The following TTN variants were observed in gnomAD, a reference collection of about 807,000 sequenced individuals.
TTN encodes the protein connectin.
TTN carries 1,525 observed loss-of-function variants against 3,223.0 expected under a neutral mutation model. The observed-to-expected ratio is 0.47, with a 90% CI of 0.45 to 0.49. The LOEUF (loss-of-function observed/expected upper bound fraction) is 0.49. TTN is among the 20% of genes least tolerant of loss of function. TTN has a pLI of 0.00. For synonymous variants in TTN, 14,094 were observed against 15,161.0 expected (o/e 0.93, Z 5.17); for missense variants, 40,786 against 43,424.0 (o/e 0.94, Z 5.40).
Position 178,713,124 on chromosome 2 carries a change from C to T in TTN, c.27010G>A (p.Ala9004Thr). ...GDYTCIATNM[A>T]GSDECSAPLT... The stretch of plus-strand genomic sequence containing the variant: ...GGAGCACTACATTCATCAGAACCAG[C>T]CATATTAGTAGCTATACATGTGTAG... Residue 9004 changes from alanine (A) to threonine (T), a missense_variant, in exon 93 of 363, where the codon GCT becomes ACT. Physicochemically the swap from Ala to Thr is moderately conservative, Grantham distance 58 (BLOSUM62 0). Transcript: ENST00000589042. The T allele has an allele frequency of 1.9e-6, 3 of 1,613,734 alleles. No homozygotes were observed. The highest frequency in any genetic ancestry group is 2.5e-6 in the Non-Finnish European group (3 of 1,179,748).
chr2:178,539,197 G>A lies in TTN; in HGVS notation c.98738C>T (p.Ser32913Phe). 2 of 1,613,792 alleles carry A rather than the reference G, an allele frequency of 1.2e-6. No homozygotes were observed. Among genetic ancestry groups the A allele is most frequent in the Non-Finnish European group, 1.7e-6 (2 of 1,179,758 alleles). Reference sequence around the variant, plus strand: ...GGGCCGGGACCAGGACAAGCTAACAGAACTCTTGGTTACATCGAGTACTTC... The same window carrying A: ...GGGCCGGGACCAGGACAAGCTAACAAAACTCTTGGTTACATCGAGTACTTC... The part of the protein sequence containing the change: ...PPEVLDVTKS[S>F]VSLSWSRPKD... The change falls in exon 353 of 363, where the codon TCT becomes TTT. Residue 32913 changes from serine (S) to phenylalanine (F), a missense_variant. Coordinates refer to ENST00000589042, the MANE Select transcript of TTN (RefSeq NM_001267550.2).
chr2:178,797,512 G>A (rs1263533302), intron 6 of TTN, among the ~76,000 whole-genome samples: 1 of 151,396 alleles, frequency 6.6e-6, no homozygotes, highest in Non-Finnish European at 1.5e-5. Context: ...TGCATTTATT[G>A]GTTATTTGTC....
rs776940545 is a variant in TTN, at chr2:178,779,272, C to T, written c.3920G>A (p.Gly1307Asp). Residue 1307 changes from glycine to aspartate, a missense_variant, in exon 23 of 363, where the codon GGT (glycine) becomes GAT (aspartate). Physicochemically the swap from Gly to Asp is moderately conservative, Grantham distance 94. Coordinates refer to ENST00000589042, the MANE Select transcript of TTN (RefSeq NM_001267550.2). Reference sequence around the variant, plus strand: ...AGACATCTTGCAATGAAAAGTGACACCCATCCCCTCAAGAATTCTATAATT... The same window carrying T: ...AGACATCTTGCAATGAAAAGTGACATCCATCCCCTCAAGAATTCTATAATT... ...IKNYRILEGM[G>D]VTFHCKMSGY... 3.7e-6 allele frequency: 6 copies of T among 1,613,796 alleles called. No individual in the cohort carries two copies. Among genetic ancestry groups the T allele is most frequent in the Non-Finnish European group, 3.4e-6 (4 of 1,179,808 alleles).
At position 178,663,870 on chromosome 2, in the gene TTN, C is replaced by G; in HGVS notation, c.36397G>C (p.Glu12133Gln). The change falls in exon 170 of 363, where the codon GAG becomes CAG. Residue 12133 changes from glutamate to glutamine, a missense_variant. Glu to Gln is a conservative substitution (Grantham distance 29). Coordinates refer to ENST00000589042, the MANE Select transcript of TTN (RefSeq NM_001267550.2). Reference sequence around the variant, plus strand: ...TTAGGAGGAGCCAAGGGCACTTTCTCTTCGCGGATAACCTCTTTGGAAGCT... The same window carrying G: ...TTAGGAGGAGCCAAGGGCACTTTCTGTTCGCGGATAACCTCTTTGGAAGCT... ...PEASKEVIRE[E>Q]KVPLAPPKEP... 2 of 1,612,862 alleles carry G rather than the reference C, an allele frequency of 1.2e-6. No individual in the cohort carries two copies. The highest frequency in any genetic ancestry group is 3.3e-5 in the Admixed American group (2 of 59,944).
rs1388810257 is a variant in TTN, at chr2:178,551,364, A to C, written c.91271-104T>G. 2.0e-5 allele frequency: 18 copies of C among 905,376 alleles called. 1 individual carries two copies. The highest frequency in any genetic ancestry group is 1.9e-5 in the Non-Finnish European group (13 of 676,716). 56.1% of individuals were successfully genotyped at this position (905,376 alleles called of 1,614,324 possible). ...TATTCTATAATTTTAATAAATAAGT[A>C]AAATTTTTATAATAAGTAATTTATT... On this transcript the variant is annotated intron_variant, in intron 335 of 362. Coordinates refer to ENST00000589042, the MANE Select transcript of TTN (RefSeq NM_001267550.2).
At position 178,776,836 on chromosome 2, in the gene TTN, T is replaced by G. The variant is rs763478344; in HGVS notation, c.5028A>C (p.Glu1676Asp). The G allele has an allele frequency of 1.9e-6, 3 of 1,614,114 alleles. No individual in the cohort carries two copies. Among genetic ancestry groups the G allele is most frequent in the Non-Finnish European group, 2.5e-6 (3 of 1,180,022 alleles). ...TYRAKEIAAP[E>D]LEPLHLRYGQ... ...CATATCGCAAATGGAGGGGCTCCAGTTCTGGGGCTGCAATCTCCTTTGCTC... is the reference window on the plus strand; with the variant it reads ...CATATCGCAAATGGAGGGGCTCCAGGTCTGGGGCTGCAATCTCCTTTGCTC... Residue 1676 changes from glutamate to aspartate, a missense_variant, in exon 28 of 363, where the codon GAA (glutamate) becomes GAC (aspartate). Transcript: ENST00000589042.
rs771949273 is a variant in TTN at position 178,636,127 on chromosome 2, T to C, written c.41444A>G (p.Asp13815Gly). The C allele has an allele frequency of 7.4e-6, 12 of 1,613,062 alleles. No homozygotes were observed. In the South Asian group the frequency reaches 1.3e-4, roughly 18 times the overall value. Reference protein sequence around the residue: ...NKERDVVWRKDGKIVVEKPGR... With the variant: ...NKERDVVWRKGGKIVVEKPGR... ...AGGTTTCTCCACCACAATCTTGCCA[T>C]CCTTCCTCCAGACCACGTCACGCTC... The change falls in exon 226 of 363, where the codon GAT becomes GGT. Residue 13815 changes from aspartate (D) to glycine (G), a missense_variant. Physicochemically the swap from Asp to Gly is moderately conservative, Grantham distance 94. Coordinates refer to ENST00000589042, the MANE Select transcript of TTN (RefSeq NM_001267550.2). This position sits in a 1 kb window ranked among gnomAD's most constrained non-coding sequence, Gnocchi z 4.3.
Position 178,705,199 on chromosome 2 carries a change from C to A in TTN, c.29579G>T (p.Ser9860Ile). Residue 9860 changes from serine (S) to isoleucine (I), a missense_variant, in exon 103 of 363, where the codon AGC (serine) becomes ATC (isoleucine). Ser to Ile is a moderately radical substitution (Grantham distance 142). Coordinates refer to ENST00000589042, the MANE Select transcript of TTN (RefSeq NM_001267550.2). ...CAGTCTATGTGTCTCTTCTTCTTGGCTTTGCTTGAGCAGTTCAAATGCTTG... is the reference window on the plus strand; with the variant it reads ...CAGTCTATGTGTCTCTTCTTCTTGGATTTGCTTGAGCAGTTCAAATGCTTG... ...LLQAFELLKQ[S>I]QEEETHRLEI... 1 of 1,613,424 alleles carries A rather than the reference C, an allele frequency of 6.2e-7. No individual in the cohort carries two copies.
Position 178,725,441 on chromosome 2 carries a change from A to G in TTN, c.20763T>C (p.Asn6921=). 6.2e-7 allele frequency: 1 copy of G among 1,612,718 alleles called. No individual in the cohort carries two copies. The highest frequency in any genetic ancestry group is 8.5e-7 in the Non-Finnish European group (1 of 1,179,292). Residue 6921 remains asparagine (N), a synonymous_variant, in exon 71 of 363, where the codon AAT becomes AAC. Transcript: ENST00000589042. ...TGATTTGGCAGATATACTTTCCAGC[A>G]TTAGCTGGCTCTGCTTTTGCAAACT... ...TLQFAKAEPA[N]AGKYICQIKN... is the part of the protein sequence containing the mutation.
rs1205390409 is a variant in TTN at position 178,544,209 on chromosome 2, T to C, written c.96020A>G (p.Glu32007Gly). Residue 32007 changes from glutamate (E) to glycine (G), a missense_variant, in exon 345 of 363, where the codon GAA becomes GGA. Coordinates refer to ENST00000589042, the MANE Select transcript of TTN (RefSeq NM_001267550.2). Reference protein sequence around the residue: ...SESIAEIEPVERIEIPDLELA... With the variant: ...SESIAEIEPVGRIEIPDLELA... ...GCTTCTGTGATAAATACCTATTCTTTCCACGGGCTCAATTTCAGCAATTGA... is the reference window on the plus strand; with the variant it reads ...GCTTCTGTGATAAATACCTATTCTTCCCACGGGCTCAATTTCAGCAATTGA... 6.2e-7 allele frequency: 1 copy of C among 1,612,660 alleles called. No homozygotes were observed. Among genetic ancestry groups the C allele is most frequent in the Non-Finnish European group, 8.5e-7 (1 of 1,178,848 alleles).
At position 178,618,285 on chromosome 2, in the gene TTN, C is replaced by T. The variant is rs1344306392; in HGVS notation, c.47173G>A (p.Gly15725Arg). The T allele has an allele frequency of 1.2e-6, 2 of 1,612,634 alleles. No homozygotes were observed. Among genetic ancestry groups the T allele is most frequent in the African/African-American group, 1.3e-5 (1 of 74,812 alleles). ...EFTVTGLQKGGVEYLFRVSAR... is the reference protein window; with the variant it reads ...EFTVTGLQKGRVEYLFRVSAR... ...CTCACACGGAATAGGTACTCAACTC[C>T]TCCTTTCTGTAGACCAGTGACAGTA... The change falls in exon 252 of 363, where the codon GGA becomes AGA. Residue 15725 changes from glycine (G) to arginine (R), a missense_variant. Physicochemically the swap from Gly to Arg is moderately radical, Grantham distance 125 (BLOSUM62 -2). Coordinates refer to ENST00000589042, the MANE Select transcript of TTN (RefSeq NM_001267550.2).
rs773561161 is a variant in TTN, at chr2:178,582,606, G to T, written c.65864-14C>A. The T allele has an allele frequency of 1.3e-6, 2 of 1,587,420 alleles. No homozygotes were observed. Among genetic ancestry groups the T allele is most frequent in the Non-Finnish European group, 1.7e-6 (2 of 1,165,620 alleles). Reference sequence around the variant, plus strand: ...GACCCGGTTTATCTGAAGGAATAAGGAAGAAGAGTGAATATGTGGAATGGG... The same window carrying T: ...GACCCGGTTTATCTGAAGGAATAAGTAAGAAGAGTGAATATGTGGAATGGG... On this transcript the variant is annotated splice_polypyrimidine_tract_variant and intron_variant, in intron 313 of 362. Transcript: ENST00000589042.
At chr2:178,726,227 T>C in intron 69 of TTN, 181 bp from the exon 70 acceptor site, 1 of 617,564 alleles carries the variant, frequency 1.6e-6, no homozygotes, top group Non-Finnish European at 2.5e-6. Flanking sequence ...GATAACCAGC[T>C]AGATGGGCAG....
chr2:178,782,649 C>T, intron 18 of TTN, 47 bp from the exon 19 acceptor site: 6 of 1,609,162 alleles, frequency 3.7e-6, no homozygotes, highest in Non-Finnish European at 4.2e-6. Context: ...GTTTAGTGAC[C>T]CCTGCTTAGC....
Position 178,598,583 on chromosome 2 carries a change from G to A in TTN, c.57034C>T (p.Pro19012Ser). 6.2e-7 allele frequency: 1 copy of A among 1,608,432 alleles called. No individual in the cohort carries two copies. The highest frequency in any genetic ancestry group is 1.1e-5 in the South Asian group (1 of 89,330). Residue 19012 changes from proline (P) to serine (S), a missense_variant, in exon 292 of 363, where the codon CCA becomes TCA. Transcript: ENST00000589042. ...KSSADLEWSP[P>S]LKDGGSKVTG... ...ACTTTGGATCCACCATCTTTTAGTG[G>A]GGGAGACCACTCCAGATCTGCAGAT... is the stretch of plus-strand genomic sequence containing the variant.
At chr2:178,707,030 C>G (rs1475101049) in intron 100 of TTN, 76 bp from the exon 101 acceptor site, 3 of 1,328,676 alleles carry the variant, frequency 2.3e-6, no homozygotes, top group Non-Finnish European at 3.1e-6. Context: ...GTAAAATAAG[C>G]CTTAGGAGGT....
chr2:178,637,717 G>A (rs944722679), intron 223 of TTN, among the ~76,000 whole-genome samples: 2 of 152,030 alleles, frequency 1.3e-5, no homozygotes, highest in African/African-American at 4.8e-5. Flanking sequence ...TTTTGCTCCT[G>A]CCTAGCTGTG....
chr2:178,568,018 T>C lies in TTN; in HGVS notation c.78114A>G (p.Thr26038=), dbSNP rs1464600356. 3 of 1,613,394 alleles carry C rather than the reference T, an allele frequency of 1.9e-6. No individual in the cohort carries two copies. Among genetic ancestry groups the C allele is most frequent in the Non-Finnish European group, 2.5e-6 (3 of 1,179,558 alleles). ...ERKERNSILW[T]KVNKTIIHDT... is the part of the protein sequence containing the mutation. ...CATGAATAATAGTTTTGTTGACCTT[T>C]GTCCACAAAATACTGTTTCTTTCTT... The change falls in exon 326 of 363, where the codon ACA becomes ACG. Residue 26038 remains threonine (T), a synonymous_variant. Coordinates refer to ENST00000589042, the MANE Select transcript of TTN (RefSeq NM_001267550.2).
chr2:178,671,857 T>C, intron 155 of TTN, 114 bp downstream of exon 155: 1 of 1,113,572 alleles, frequency 9.0e-7, no homozygotes, highest in Non-Finnish European at 1.3e-6. Flanking sequence ...TTTAAACTCA[T>C]GTTTAAAGTA....
Sources: gnomAD v4.1 joint callset for allele counts (sites outside exome capture counted in the v4.1 genomes callset) on GRCh38, gnomAD v4.1.1 for gene constraint, Gnocchi (gnomAD v3.1) non-coding constraint, MANE v1.5 for transcripts, NCBI Gene and HGNC (gene_info 2026-07-23, HGNC 2026-07-21) for gene names.